Variants in STMN2 observed in about 807,000 individuals in gnomAD.
The protein encoded by STMN2 is stathmin 2.
A neutral mutation model predicts 24.1 loss-of-function variants in STMN2; 2 were observed. That is an observed-to-expected ratio of 0.08 (90% CI 0.03 to 0.26). The LOEUF is 0.26. Ranked by LOEUF, STMN2 falls within the 10% of genes least tolerant of loss-of-function variation. The pLI is 1.00. For missense variants in STMN2, 114 were observed against 213.6 expected (o/e 0.53, Z 2.91); for synonymous variants, 83 against 77.5 (o/e 1.07, Z -0.37).
At chr8:79,653,306 GGCAGAGATTACAGTGA>G (rs1810375130) in intron 3 of STMN2, among the ~76,000 whole-genome samples, 1 of 152,162 alleles carries the variant, frequency 6.6e-6, no homozygotes, top group Non-Finnish European at 1.5e-5. Flanking sequence ...GAACCTCAGA[GGCAGAGATTACAGTGA>G]GCAGAGATCA....
intron 3 of STMN2, 36 bp from the exon 4 acceptor site, chr8:79,654,835 G>C: frequency 6.3e-7 from 1 of 1,596,668 alleles, no homozygotes; most frequent in Non-Finnish European, 8.5e-7. Context: ...GTTTGTGTTT[G>C]GATAATTATA....
At chr8:79,631,103 A>G (rs1809792440) in intron 1 of STMN2, among the ~76,000 whole-genome samples, 1 of 152,228 alleles carries the variant, frequency 6.6e-6, no homozygotes, top group Non-Finnish European at 1.5e-5. Context: ...ACACAGCAGG[A>G]GCTTTAACTG....
At chr8:79,620,699 G>T (rs1302962131) in intron 1 of STMN2, among the ~76,000 whole-genome samples, 1 of 151,958 alleles carries the variant, frequency 6.6e-6, no homozygotes, top group Non-Finnish European at 1.5e-5. Flanking sequence ...ACATCAACTA[G>T]GAAGTACCAA....
intron 1 of STMN2, among the ~76,000 whole-genome samples, chr8:79,612,945 T>C (rs1229436273): frequency 6.6e-6 from 1 of 151,956 alleles, no homozygotes; most frequent in Non-Finnish European, 1.5e-5. Flanking sequence ...CCGGCGTGGC[T>C]CTCAGCCCCA....
chr8:79,637,574 T>C (rs951066153), intron 2 of STMN2, among the ~76,000 whole-genome samples: 2 of 152,218 alleles, frequency 1.3e-5, no homozygotes, highest in Non-Finnish European at 2.9e-5. Context: ...CTCATTTAAC[T>C]CTAGCATCTT....
At chr8:79,620,758 C>T (rs1809498129) in intron 1 of STMN2, among the ~76,000 whole-genome samples, 1 of 152,064 alleles carries the variant, frequency 6.6e-6, no homozygotes, top group Non-Finnish European at 1.5e-5. Flanking sequence ...GTCCATCAAC[C>T]AATCTGGCCA....
intron 3 of STMN2, among the ~76,000 whole-genome samples, chr8:79,654,007 GT>G (rs1810393661): frequency 6.6e-6 from 1 of 152,168 alleles, no homozygotes; most frequent in Non-Finnish European, 1.5e-5. Context: ...CTTACAAAAG[GT>G]AGACTGGACT....
chr8:79,621,220 G>C (rs894535309), intron 1 of STMN2, among the ~76,000 whole-genome samples: 2 of 152,172 alleles, frequency 1.3e-5, no homozygotes, highest in African/African-American at 4.8e-5. Flanking sequence ...AAATAGCCAT[G>C]TGAACTGCCT....
chr8:79,621,246 G>A (rs905210795), intron 1 of STMN2, among the ~76,000 whole-genome samples: 1 of 152,128 alleles, frequency 6.6e-6, no homozygotes, highest in African/African-American at 2.4e-5. Flanking sequence ...ATATCAGAGG[G>A]TCTTTTTCAG....
At chr8:79,648,226 A>G (rs556587990) in intron 3 of STMN2, among the ~76,000 whole-genome samples, 46 of 152,274 alleles carry the variant, frequency 3.0e-4, no homozygotes, top group African/African-American at 1.1e-3. Flanking sequence ...TCCTTTGTCA[A>G]TCTGTAAAAT....
At chr8:79,621,527 C>T (rs192898978) in intron 1 of STMN2, among the ~76,000 whole-genome samples, 1 of 152,340 alleles carries the variant, frequency 6.6e-6, no homozygotes, top group Admixed American at 6.5e-5. Flanking sequence ...ACCCACCTGG[C>T]CAGCCCTTCT....
intron 4 of STMN2, among the ~76,000 whole-genome samples, chr8:79,656,339 C>A (rs907799923): frequency 6.6e-6 from 1 of 152,054 alleles, no homozygotes; most frequent in East Asian, 1.9e-4. Context: ...ATGCCTTATC[C>A]GAAACATGAA....
At chr8:79,654,844 T>C (rs1317411223) in intron 3 of STMN2, 27 bp from the exon 4 acceptor site, 1 of 1,603,718 alleles carries the variant, frequency 6.2e-7, no homozygotes, top group Non-Finnish European at 8.5e-7. Flanking sequence ...TGGATAATTA[T>C]AAGATGGCTA....
chr8:79,614,051 C>T (rs1324229155), intron 1 of STMN2, among the ~76,000 whole-genome samples: 3 of 151,978 alleles, frequency 2.0e-5, no homozygotes, highest in African/African-American at 7.3e-5. Context: ...ACTGTTCTTC[C>T]AACTGCTGAT....
At chr8:79,624,065 T>C (rs1809582765) in intron 1 of STMN2, among the ~76,000 whole-genome samples, 1 of 152,184 alleles carries the variant, frequency 6.6e-6, no homozygotes, top group Non-Finnish European at 1.5e-5. Flanking sequence ...ATTCCATTTG[T>C]TGAAATTTTT....
chr8:79,663,765 A>G, intron 4 of STMN2: 3 of 946,514 alleles, frequency 3.2e-6, no homozygotes, highest in Non-Finnish European at 4.4e-6. Flanking sequence ...TATGCAAGAC[A>G]GTTTGATTTT....
chr8:79,646,244 A>G (rs1810214735), intron 3 of STMN2, among the ~76,000 whole-genome samples: 3 of 152,148 alleles, frequency 2.0e-5, no homozygotes, highest in Non-Finnish European at 2.9e-5. Flanking sequence ...ATATTTATCA[A>G]GCACTTACTA....
At chr8:79,624,468 A>AGG in intron 1 of STMN2, among the ~76,000 whole-genome samples, 1 of 150,312 alleles carries the variant, frequency 6.7e-6, no homozygotes, top group Non-Finnish European at 1.5e-5. Flanking sequence ...AAAAAAAAAA[A>AGG]AAAAAAAAAA....
intron 1 of STMN2, among the ~76,000 whole-genome samples, chr8:79,631,919 T>G (rs16907010): frequency 0.17 from 25,146 of 152,142 alleles, 2,741 homozygotes; most frequent in East Asian, 0.4. Flanking sequence ...AAAATGAACT[T>G]CAAGGTAGCT....
Sources: gnomAD v4.1 joint callset for allele counts (sites outside exome capture counted in the v4.1 genomes callset) on GRCh38, gnomAD v4.1.1 for gene constraint, MANE v1.5 for transcripts, NCBI Gene and HGNC (gene_info 2026-07-23, HGNC 2026-07-21) for gene names.